The following ATP8B1 variants were observed in gnomAD, a reference collection of about 807,000 sequenced individuals.
ATP8B1 encodes ATPase phospholipid transporting 8B1.
Under a neutral mutation model 149.9 loss-of-function variants are expected in ATP8B1, and 80 were observed. The ratio of observed to expected loss-of-function variants is 0.53; its 90% confidence interval spans 0.45 to 0.64. The LOEUF is 0.64. Ranked by LOEUF, ATP8B1 falls within the 30% of genes least tolerant of loss-of-function variation. The probability of loss-of-function intolerance (pLI) is 0.00; values close to 1 mark genes in which losing one functional copy is unlikely to be tolerated. For synonymous variants in ATP8B1, 536 were observed against 562.8 expected (o/e 0.95, Z 0.67); for missense variants, 1,247 against 1,552.6 (o/e 0.80, Z 3.31).
intron 2 of ATP8B1, among the ~76,000 whole-genome samples, chr18:57,718,118 A>G (rs535366569): frequency 5.3e-5 from 8 of 150,708 alleles, no homozygotes; most frequent in African/African-American, 1.9e-4. Context: ...AAAAAAAAAA[A>G]AAAAAAAAGC....
Position 57,736,453 on chromosome 18 carries a change from G to GTTTTTTTTTTTTTTTTTTT in ATP8B1, c.-25-4640_-25-4622dup, listed in dbSNP as rs71171079. ...TTTCTTCTAGTATAAAGTTTTACTAGTTTTTTTTTTTTTTTTTTTTTTTTG... is the reference window on the plus strand; with the variant it reads ...TTTCTTCTAGTATAAAGTTTTACTAGTTTTTTTTTTTTTTTTTTTTTTTTTTTTTTTTTTTTTTTTTTTG... On this transcript the variant is annotated intron_variant, in intron 1 of 27. Coordinates refer to ENST00000648908, the MANE Select transcript of ATP8B1 (RefSeq NM_001374385.1). Among the ~76,000 whole-genome samples, 2 of 70,142 alleles carry GTTTTTTTTTTTTTTTTTTT rather than the reference G, an allele frequency of 2.9e-5. 1 individual carries two copies. The allele number at this position is 70,142 out of a possible 152,430, so 46.0% of individuals were successfully genotyped here.
intron 2 of ATP8B1, among the ~76,000 whole-genome samples, chr18:57,708,157 C>CAAAAAAAAA (rs36027330): frequency 1.5e-5 from 1 of 67,076 alleles, no homozygotes; most frequent in Non-Finnish European, 2.8e-5. Context: ...AACTCTGTCT[C>CAAAAAAAAA]AAAAAAAAAA....
intron 24 of ATP8B1, among the ~76,000 whole-genome samples, 159 bp downstream of exon 24, chr18:57,653,830 CAAG>C (rs752899070): frequency 1.3e-4 from 19 of 151,704 alleles, no homozygotes; most frequent in Non-Finnish European, 2.8e-4. Flanking sequence ...TATTACAAAA[CAAG>C]AAGCACAGCC....
At chr18:57,793,747 G>C (rs2123458876) in intron 1 of ATP8B1, among the ~76,000 whole-genome samples, 1 of 152,228 alleles carries the variant, frequency 6.6e-6, no homozygotes, top group Non-Finnish European at 1.5e-5. Flanking sequence ...CTCTCCTCCT[G>C]AGTGTTTGCT....
chr18:57,658,001 T>C (rs1325904630), intron 22 of ATP8B1, among the ~76,000 whole-genome samples: 1 of 152,208 alleles, frequency 6.6e-6, no homozygotes, highest in Non-Finnish European at 1.5e-5. Context: ...CATTCTTTTA[T>C]CATTCCTTAA....
chr18:57,788,085 C>G lies in ATP8B1; in HGVS notation c.-26+14913G>C, dbSNP rs558730128. On this transcript the variant is annotated intron_variant, in intron 1 of 27. Transcript: ENST00000648908. The stretch of plus-strand genomic sequence containing the variant: ...ACAAAATAAAACCTATTGTCTATCC[C>G]TGCTACTGAAACACATATATTTTAT... 2.0e-5 allele frequency among the ~76,000 whole-genome samples: 3 copies of G among 152,250 alleles called. No individual in the cohort carries two copies. In the South Asian group the frequency reaches 6.2e-4, roughly 32 times the overall value.
intron 2 of ATP8B1, among the ~76,000 whole-genome samples, chr18:57,730,850 CACACAT>C (rs898320268): frequency 1.3e-5 from 2 of 149,152 alleles, no homozygotes; most frequent in African/African-American, 2.5e-5. Context: ...CACACACACA[CACACAT>C]ACACAAGGAT....
intron 1 of ATP8B1, among the ~76,000 whole-genome samples, chr18:57,786,313 C>T (rs915413786): frequency 1.3e-5 from 2 of 152,210 alleles, no homozygotes; most frequent in Non-Finnish European, 2.9e-5. Flanking sequence ...TCCTAACACA[C>T]CTTTGCTGCC....
chr18:57,706,635 G>C, intron 2 of ATP8B1, 48 bp from the exon 3 acceptor site: 1 of 1,425,096 alleles, frequency 7.0e-7, no homozygotes, highest in Non-Finnish European at 9.8e-7. Flanking sequence ...TTAACATGTT[G>C]TTATGAGTTG....
intron 1 of ATP8B1, among the ~76,000 whole-genome samples, chr18:57,761,105 A>AAT (rs1219363275): frequency 8.7e-6 from 1 of 114,884 alleles, no homozygotes; most frequent in Admixed American, 9.9e-5. Context: ...TAAAAAATAA[A>AAT]ATAAAATATA....
chr18:57,788,949 C>T (rs1328829279), intron 1 of ATP8B1, among the ~76,000 whole-genome samples: 3 of 152,156 alleles, frequency 2.0e-5, no homozygotes, highest in Admixed American at 6.5e-5. Flanking sequence ...AATCCTCCTT[C>T]CACTCCCACC....
intron 1 of ATP8B1, among the ~76,000 whole-genome samples, chr18:57,766,908 A>G (rs1345123883): frequency 6.6e-6 from 1 of 152,226 alleles, no homozygotes; most frequent in African/African-American, 2.4e-5. Flanking sequence ...TGAGACCTAC[A>G]GGACATGTAG....
At chr18:57,723,062 A>G in intron 2 of ATP8B1, among the ~76,000 whole-genome samples, 1 of 151,604 alleles carries the variant, frequency 6.6e-6, no homozygotes, top group East Asian at 1.9e-4. Context: ...TTCATGCTAA[A>G]AACTCTCAGT....
intron 20 of ATP8B1, among the ~76,000 whole-genome samples, chr18:57,665,430 C>A (rs1910786597): frequency 1.3e-5 from 2 of 151,976 alleles, no homozygotes; most frequent in East Asian, 3.9e-4. Context: ...AAAAGAGAGA[C>A]CAGAAATTTT....
At position 57,688,171 on chromosome 18, in the gene ATP8B1, C is replaced by G. The variant is rs1391073264; in HGVS notation, c.1429+128G>C. The G allele has an allele frequency of 1.1e-5, 11 of 1,032,348 alleles. No homozygotes were observed. The East Asian group carries it at 2.7e-4, about 25-fold the overall frequency. The allele number at this position is 1,032,348 out of a possible 1,614,324, so 63.9% of individuals were successfully genotyped here. On this transcript the variant is annotated intron_variant, in intron 13 of 27. Transcript: ENST00000648908. ...CCTCTGGTGCTTAGCTGGAGAATGG[C>G]CCTAGCAGCAGGACTCTGCATCGAG...
chr18:57,692,423 A>G (rs1912579981), intron 11 of ATP8B1, among the ~76,000 whole-genome samples: 1 of 135,958 alleles, frequency 7.4e-6, no homozygotes, highest in Non-Finnish European at 1.5e-5. Context: ...GATATTCAAC[A>G]GATTTTTTTT....
chr18:57,675,023 C>G lies in ATP8B1; in HGVS notation c.1631-1G>C, dbSNP rs1388531012. On this transcript the variant is annotated splice_acceptor_variant, in intron 15 of 27. Transcript: ENST00000648908. LOFTEE classifies it high-confidence loss of function. ...GAGGCTGCCTGGTAGTTGAGCTGAC[C>G]TAACAAGGAAGCGAGAGAAATCCCA... is the stretch of plus-strand genomic sequence containing the variant. 6.2e-7 allele frequency: 1 copy of G among 1,613,952 alleles called. No individual in the cohort carries two copies. The highest frequency in any genetic ancestry group is 8.5e-7 in the Non-Finnish European group (1 of 1,179,964).
At position 57,650,397 on chromosome 18, in the gene ATP8B1, T is replaced by A; in HGVS notation, c.3501A>T (p.Ser1167=). 5 of 1,613,896 alleles carry A rather than the reference T, an allele frequency of 3.1e-6. No individual in the cohort carries two copies. Among genetic ancestry groups the A allele is most frequent in the Non-Finnish European group, 4.2e-6 (5 of 1,179,860 alleles). ...CACTTTCTGATGGCCAGATGGTCAT[T>A]GACAGGAATCGAATGGCAACGACGG... ...LLPVVAIRFL[S]MTIWPSESDK... Residue 1167 remains serine, a synonymous_variant, in exon 27 of 28, where the codon TCA becomes TCT. Transcript: ENST00000648908.
In ATP8B1 at chr18:57,756,242, T is replaced by TATAC. The variant is rs1555653746; in HGVS notation, c.-25-24411_-25-24410insGTAT. Among the ~76,000 whole-genome samples the TATAC allele has an allele frequency of 3.3e-3, 366 of 112,120 alleles. 3 individuals are homozygous for TATAC. Among genetic ancestry groups the TATAC allele is most frequent in the Non-Finnish European group, 4.6e-3 (242 of 52,160 alleles). The allele number at this position is 112,120 out of a possible 152,430, so 73.6% of individuals were successfully genotyped here. ...ACACACACACACACACACACATATA[T>TATAC]ACACACACACATATATATATATGAA... On this transcript the variant is annotated intron_variant, in intron 1 of 27. Transcript: ENST00000648908.
Sources: allele counts gnomAD v4.1 joint callset (sites outside exome capture counted in the v4.1 genomes callset), GRCh38; gene constraint gnomAD v4.1.1; transcripts MANE v1.5; gene names NCBI Gene and HGNC (gene_info 2026-07-23, HGNC 2026-07-21).